Variants in UTRN observed in about 807,000 individuals in gnomAD.
The protein encoded by UTRN is dystrophin-related protein 1.
Under a neutral mutation model 463.9 loss-of-function variants are expected in UTRN, and 283 were observed. That is an observed-to-expected ratio of 0.61 (90% CI 0.55 to 0.67). The LOEUF (loss-of-function observed/expected upper bound fraction) is 0.67. UTRN is among the 30% of genes least tolerant of loss of function. The pLI is 0.00. For synonymous variants in UTRN, 1,442 were observed against 1,431.5 expected (o/e 1.01, Z -0.17); for missense variants, 3,922 against 4,084.3 (o/e 0.96, Z 1.08).
chr6:144,388,606 T>C (rs1450465473), intron 2 of UTRN, among the ~76,000 whole-genome samples: 1 of 151,954 alleles, frequency 6.6e-6, no homozygotes, highest in Non-Finnish European at 1.5e-5. Flanking sequence ...TCAGGTGATC[T>C]TCCCACCTCA....
At chr6:144,384,199 C>A (rs890368667) in intron 2 of UTRN, among the ~76,000 whole-genome samples, 1 of 152,050 alleles carries the variant, frequency 6.6e-6, no homozygotes, top group Non-Finnish European at 1.5e-5. Flanking sequence ...CCCATTAAAC[C>A]AGGGGTCCCC....
chr6:144,565,381 A>G (rs1387110127), intron 50 of UTRN, among the ~76,000 whole-genome samples: 1 of 152,208 alleles, frequency 6.6e-6, no homozygotes, highest in African/African-American at 2.4e-5. Context: ...GACCTCAGAT[A>G]TGAATTGAGA....
At chr6:144,353,844 A>AAAACAAACAAAC (rs58871410) in intron 2 of UTRN, among the ~76,000 whole-genome samples, 25 of 151,720 alleles carry the variant, frequency 1.6e-4, no homozygotes, top group African/African-American at 6.1e-4. Context: ...GAGACTGTCT[A>AAAACAAACAAAC]AAACAAACAA....
intron 52 of UTRN, among the ~76,000 whole-genome samples, chr6:144,691,102 A>G (rs1332438560): frequency 6.6e-6 from 1 of 152,192 alleles, no homozygotes; most frequent in African/African-American, 2.4e-5. Flanking sequence ...TGCTAGATCT[A>G]CAATATTTCA....
intron 65 of UTRN, among the ~76,000 whole-genome samples, chr6:144,814,276 G>A (rs1167553891): frequency 4.6e-5 from 7 of 152,190 alleles, no homozygotes; most frequent in African/African-American, 9.6e-5. Flanking sequence ...GAAGACGGCT[G>A]TGTATGACCC....
At chr6:144,439,848 T>G (rs1584793340) in intron 12 of UTRN, among the ~76,000 whole-genome samples, 1 of 152,180 alleles carries the variant, frequency 6.6e-6, no homozygotes, top group Non-Finnish European at 1.5e-5. Context: ...GCTCTTCCCA[T>G]GGAAAAGGCG....
chr6:144,741,651 G>A (rs901918271), intron 54 of UTRN, among the ~76,000 whole-genome samples: 5 of 152,148 alleles, frequency 3.3e-5, no homozygotes, highest in African/African-American at 7.2e-5. Context: ...TGAATAAATC[G>A]CAAAACTGCC....
At chr6:144,646,048 C>T (rs1778269299) in intron 51 of UTRN, among the ~76,000 whole-genome samples, 1 of 152,044 alleles carries the variant, frequency 6.6e-6, no homozygotes, top group African/African-American at 2.4e-5. Context: ...TTCTATTTTA[C>T]CTGATTAAAT....
At chr6:144,632,026 C>A (rs1443252911) in intron 51 of UTRN, among the ~76,000 whole-genome samples, 3 of 152,140 alleles carry the variant, frequency 2.0e-5, no homozygotes, top group Non-Finnish European at 2.9e-5. Flanking sequence ...CAGGGTCCAT[C>A]AAAAATGTAA....
Position 144,352,167 on chromosome 6 carries a change from C to T in UTRN, c.80-50956C>T, listed in dbSNP as rs537841219. Among the ~76,000 whole-genome samples, 5 of 152,264 alleles carry T rather than the reference C, an allele frequency of 3.3e-5. No homozygotes were observed. The East Asian group carries it at 9.7e-4, about 29-fold the overall frequency. On this transcript the variant is annotated intron_variant, in intron 2 of 74. Coordinates refer to ENST00000367545, the MANE Select transcript of UTRN (RefSeq NM_007124.3). The stretch of plus-strand genomic sequence containing the variant: ...TCACTTTCTACTGAGGTAACTCTAA[C>T]CCACCCATGCAATCTAGCATCTGCC...
intron 68 of UTRN, 130 bp downstream of exon 68, chr6:144,827,806 T>C: frequency 1.8e-6 from 2 of 1,104,878 alleles, no homozygotes; most frequent in Admixed American, 5.5e-5. Flanking sequence ...TTCCATTATA[T>C]TTGGAATTTG....
intron 51 of UTRN, among the ~76,000 whole-genome samples, chr6:144,671,270 G>A (rs1780992771): frequency 6.6e-6 from 1 of 152,004 alleles, no homozygotes; most frequent in Non-Finnish European, 1.5e-5. Context: ...TCATACATGA[G>A]CATGGGATGT....
intron 52 of UTRN, among the ~76,000 whole-genome samples, chr6:144,689,403 A>G (rs1369339340): frequency 6.6e-6 from 1 of 152,212 alleles, no homozygotes; most frequent in Non-Finnish European, 1.5e-5. Context: ...CTCTGCTGAA[A>G]GAAACTTCCC....
Position 144,836,559 on chromosome 6 carries a change from C to T in UTRN, c.10065+18C>T, listed in dbSNP as rs1781121488. ...TGGAGCAGGTAGGGTGTGTAGAATT[C>T]AGCGTCACACCTCCCCAGGCCATCT... On this transcript the variant is annotated intron_variant, in intron 71 of 74. Transcript: ENST00000367545. 6.2e-7 allele frequency: 1 copy of T among 1,611,476 alleles called. No individual in the cohort carries two copies. The highest frequency in any genetic ancestry group is 8.5e-7 in the Non-Finnish European group (1 of 1,179,236).
chr6:144,728,360 G>C (rs1330367210), intron 53 of UTRN, among the ~76,000 whole-genome samples: 1 of 151,766 alleles, frequency 6.6e-6, no homozygotes, highest in African/African-American at 2.4e-5. Flanking sequence ...TAAAGAACTG[G>C]CTCAAGACTT....
chr6:144,418,881 A>AT (rs1784591091), intron 3 of UTRN, among the ~76,000 whole-genome samples: 1 of 151,994 alleles, frequency 6.6e-6, no homozygotes, highest in Non-Finnish European at 1.5e-5. Context: ...ATTTTTTGGA[A>AT]AGTGGAGAGT....
chr6:144,293,785 C>CTAGCACATCTG (rs1804452286), intron 2 of UTRN, among the ~76,000 whole-genome samples: 1 of 152,052 alleles, frequency 6.6e-6, no homozygotes, highest in Non-Finnish European at 1.5e-5. Context: ...TTTCTTTACT[C>CTAGCACATCTG]TAGCACATCT....
At chr6:144,619,898 T>G (rs2128646755) in intron 51 of UTRN, among the ~76,000 whole-genome samples, 1 of 152,322 alleles carries the variant, frequency 6.6e-6, no homozygotes. Context: ...GATTCAACAC[T>G]AGACCACCCA....
chr6:144,447,311 G>A lies in UTRN; in HGVS notation c.1715G>A (p.Arg572His), dbSNP rs750307160. 2.0e-5 allele frequency: 32 copies of A among 1,612,876 alleles called. No homozygotes were observed. Among genetic ancestry groups the A allele is most frequent in the South Asian group, 3.3e-5 (3 of 90,960 alleles). ...DQKELSVSVR[R>H]LAILKEDMEM... ...AAGGAACTAAGTGTCAGTGTTCGACGTCTGGCTGTAAGTGATGGGGTTGTC... is the reference window on the plus strand; with the variant it reads ...AAGGAACTAAGTGTCAGTGTTCGACATCTGGCTGTAAGTGATGGGGTTGTC... The change falls in exon 15 of 75, where the codon CGT becomes CAT. Residue 572 changes from arginine (R) to histidine (H), a missense_variant. Transcript: ENST00000367545.
Sources: gnomAD v4.1 joint callset for allele counts (sites outside exome capture counted in the v4.1 genomes callset) on GRCh38, gnomAD v4.1.1 for gene constraint, MANE v1.5 for transcripts, NCBI Gene and HGNC (gene_info 2026-07-23, HGNC 2026-07-21) for gene names.